KTN1: variants seen among roughly 807,000 people sequenced by gnomAD.
The protein encoded by KTN1 is kinectin 1.
A neutral mutation model predicts 222.5 loss-of-function variants in KTN1; 130 were observed. The observed-to-expected ratio is 0.58, with a 90% confidence interval of 0.51 to 0.68. KTN1 has a LOEUF of 0.68. Among genes scored for constraint, KTN1 ranks in the 30% least tolerant of loss-of-function variants. KTN1 has a pLI of 0.00. For synonymous variants in KTN1, 512 were observed against 496.3 expected (o/e 1.03, Z -0.42); for missense variants, 1,508 against 1,500.4 (o/e 1.01, Z -0.08).
At chr14:55,629,516 A>G (rs899243340) in intron 6 of KTN1, among the ~76,000 whole-genome samples, 5 of 151,384 alleles carry the variant, frequency 3.3e-5, no homozygotes, top group Admixed American at 2.6e-4. Flanking sequence ...ACTCTGCTAT[A>G]GACATCTTAT....
intron 1 of KTN1, among the ~76,000 whole-genome samples, chr14:55,594,266 C>G (rs1303380270): frequency 6.6e-6 from 1 of 152,122 alleles, no homozygotes. Flanking sequence ...CCTGAGTGCT[C>G]TAGTTCAGTG....
intron 2 of KTN1, among the ~76,000 whole-genome samples, chr14:55,615,994 C>T (rs538399485): frequency 6.4e-4 from 98 of 152,010 alleles, no homozygotes; most frequent in African/African-American, 2.3e-3. Context: ...CTCACTGCAC[C>T]TTCGACCTCC....
chr14:55,629,695 C>T (rs1037498183), intron 6 of KTN1, among the ~76,000 whole-genome samples: 3 of 152,142 alleles, frequency 2.0e-5, no homozygotes, highest in African/African-American at 4.8e-5. Context: ...GTCTTTAACT[C>T]ATAATAAACT....
intron 41 of KTN1, among the ~76,000 whole-genome samples, chr14:55,676,891 C>T (rs1388709579): frequency 6.6e-6 from 1 of 152,112 alleles, no homozygotes; most frequent in Non-Finnish European, 1.5e-5. Flanking sequence ...AGAGGACAAA[C>T]TTTGATGCTT....
intron 1 of KTN1, among the ~76,000 whole-genome samples, chr14:55,594,880 A>G (rs2140399919): frequency 6.6e-6 from 1 of 152,352 alleles, no homozygotes; most frequent in South Asian, 2.1e-4. Context: ...TGTAGTTGGT[A>G]GAGTGTCACT....
Position 55,599,474 on chromosome 14 carries a change from C to CT in KTN1, c.-30-12537dup, listed in dbSNP as rs1161228860. Among the ~76,000 whole-genome samples the CT allele has an allele frequency of 6.6e-4, 98 of 147,972 alleles. 1 individual carries two copies. Among genetic ancestry groups the CT allele is most frequent in the Middle Eastern group, 3.5e-3 (1 of 286 alleles). ...GTGGCCATTGAGCCATTTTTTTTTT[C>CT]TTTTTTTTGAGACAGAGTCTCGTTC... is the stretch of plus-strand genomic sequence containing the variant. On this transcript the variant is annotated intron_variant, in intron 1 of 43. Transcript: ENST00000395314.
chr14:55,616,496 T>G (rs1036222966), intron 2 of KTN1, 21 bp from the exon 3 acceptor site: 1 of 1,555,446 alleles, frequency 6.4e-7, no homozygotes, highest in African/African-American at 1.4e-5. Context: ...CAATTATTTT[T>G]TTTGTTTGTG....
intron 9 of KTN1, among the ~76,000 whole-genome samples, chr14:55,635,926 T>A (rs576908126): frequency 6.6e-6 from 1 of 152,286 alleles, no homozygotes; most frequent in South Asian, 2.1e-4. Context: ...TTAATATTGA[T>A]CTTGCTGGTG....
At position 55,619,328 on chromosome 14, in the gene KTN1, G is replaced by C. The variant is rs2140753126; in HGVS notation, c.963+16G>C. ...TTTAAAGAAGGTAAGCGTGTTTTTT[G>C]ATTATGGGCATATTCATGACCAGTC... On this transcript the variant is annotated intron_variant, in intron 5 of 43. Transcript: ENST00000395314. 1 of 1,611,784 alleles carries C rather than the reference G, an allele frequency of 6.2e-7. No individual in the cohort carries two copies. The highest frequency in any genetic ancestry group is 8.5e-7 in the Non-Finnish European group (1 of 1,179,126).
intron 41 of KTN1, among the ~76,000 whole-genome samples, 164 bp downstream of exon 41, chr14:55,676,082 G>T (rs370202144): frequency 1.3e-5 from 2 of 152,186 alleles, no homozygotes; most frequent in East Asian, 1.9e-4. Flanking sequence ...GGAATGAAAC[G>T]TTTTGGCTTG....
At chr14:55,647,375 C>T (rs948931585) in intron 19 of KTN1, among the ~76,000 whole-genome samples, 2 of 151,990 alleles carry the variant, frequency 1.3e-5, no homozygotes, top group African/African-American at 2.4e-5. Flanking sequence ...TGGCTCACAC[C>T]TGTAATCCCA....
At chr14:55,585,006 C>A (rs2032649179) in intron 1 of KTN1, among the ~76,000 whole-genome samples, 1 of 151,828 alleles carries the variant, frequency 6.6e-6, no homozygotes, top group African/African-American at 2.4e-5. Flanking sequence ...GTAGCGTGTG[C>A]CTGTGGTCCC....
intron 7 of KTN1, among the ~76,000 whole-genome samples, chr14:55,630,509 G>T (rs151110602): frequency 6.6e-6 from 1 of 152,316 alleles, no homozygotes; most frequent in African/African-American, 2.4e-5. Context: ...TGATAGTTCA[G>T]TGGGTATATT....
At chr14:55,658,404 A>G (rs2043737840) in intron 29 of KTN1, 142 bp from the exon 30 acceptor site, 2 of 609,836 alleles carry the variant, frequency 3.3e-6, no homozygotes, top group East Asian at 3.0e-5. Flanking sequence ...CATATGTTTT[A>G]ATAAAGAGCT....
chr14:55,635,771 A>G (rs933488392), intron 9 of KTN1, among the ~76,000 whole-genome samples: 2 of 152,240 alleles, frequency 1.3e-5, no homozygotes, highest in African/African-American at 4.8e-5. Flanking sequence ...ATTATAATAG[A>G]TTCCTACCTA....
At chr14:55,669,874 A>G (rs1241237654) in intron 34 of KTN1, among the ~76,000 whole-genome samples, 1 of 152,026 alleles carries the variant, frequency 6.6e-6, no homozygotes, top group Non-Finnish European at 1.5e-5. Flanking sequence ...TGCATATGTA[A>G]CAGTTTATAT....
intron 2 of KTN1, 94 bp downstream of exon 2, chr14:55,612,665 A>G: frequency 4.0e-6 from 4 of 1,010,068 alleles, no homozygotes; most frequent in South Asian, 3.9e-5. Flanking sequence ...AATGTTTAAT[A>G]TTGAATTTGA....
intron 7 of KTN1, among the ~76,000 whole-genome samples, chr14:55,632,068 T>C (rs865974315): frequency 3.9e-5 from 6 of 152,328 alleles, no homozygotes; most frequent in Middle Eastern, 3.4e-3. Context: ...GCTGTTTTCA[T>C]GTTCTTACCC....
Position 55,673,005 on chromosome 14 carries a change from T to G in KTN1, c.3680T>G (p.Val1227Gly). 6.2e-7 allele frequency: 1 copy of G among 1,609,292 alleles called. No homozygotes were observed. The highest frequency in any genetic ancestry group is 8.5e-7 in the Non-Finnish European group (1 of 1,175,856). ...GAACGATCTACCTATGTTACAGAAG[T>G]CAGAGAGGTACTTACAACAGAATCT... The part of the protein sequence containing the change: ...EMERSTYVTE[V>G]RELKDLLTEL... Residue 1227 changes from valine to glycine, a missense_variant, in exon 39 of 44, where the codon GTC becomes GGC. Transcript: ENST00000395314.
Sources: gnomAD v4.1 joint callset for allele counts (sites outside exome capture counted in the v4.1 genomes callset) on GRCh38, gnomAD v4.1.1 for gene constraint, MANE v1.5 for transcripts, NCBI Gene and HGNC (gene_info 2026-07-23, HGNC 2026-07-21) for gene names.